Variants in GTF2H3 observed in about 807,000 individuals in gnomAD.
GTF2H3 encodes TFIIH basal transcription factor complex p34 subunit.
A neutral mutation model predicts 51.1 loss-of-function variants in GTF2H3; 42 were observed. The observed-to-expected ratio is 0.82, with a 90% CI of 0.64 to 1.06. The LOEUF (loss-of-function observed/expected upper bound fraction) is 1.06, where lower values mean the gene tolerates loss of function less well. Among genes scored for constraint, GTF2H3 ranks in the 50% least tolerant of loss-of-function variants. GTF2H3 has a pLI of 0.00. For synonymous variants in GTF2H3, 123 were observed against 123.8 expected (o/e 0.99, Z 0.04); for missense variants, 326 against 366.1 (o/e 0.89, Z 0.89).
Position 123,659,841 on chromosome 12 carries a change from C to A in GTF2H3, c.731C>A (p.Pro244Gln). 1 of 1,613,416 alleles carries A rather than the reference C, an allele frequency of 6.2e-7. No homozygotes were observed. The highest frequency in any genetic ancestry group is 1.1e-5 in the South Asian group (1 of 91,068). The change falls in exon 11 of 13, where the codon CCA (proline) becomes CAA (glutamine). Residue 244 changes from proline (P) to glutamine (Q), a missense_variant. Transcript: ENST00000543341. ...DQDQRSQLIL[P>Q]PPVHVDYRAA... ...GATCAGAGATCTCAGTTAATCCTCC[C>A]ACCCCCAGTTCATGTTGACTACAGG...
intron 2 of GTF2H3, among the ~76,000 whole-genome samples, chr12:123,644,730 A>G (rs1000587541): frequency 2.6e-5 from 4 of 152,328 alleles, no homozygotes; most frequent in African/African-American, 9.6e-5. Flanking sequence ...TATATTGTTC[A>G]CTAAGTATAT....
intron 5 of GTF2H3, among the ~76,000 whole-genome samples, chr12:123,652,060 C>T (rs1568031): frequency 0.057 from 8,720 of 152,094 alleles, 482 homozygotes; most frequent in African/African-American, 0.14. Context: ...ATGAGTGGCT[C>T]CTTCTCCATA....
At position 123,652,975 on chromosome 12, in the gene GTF2H3, TC is replaced by T. The variant is rs890450170; in HGVS notation, c.486+243del. Among the ~76,000 whole-genome samples, 43 of 151,834 alleles carry T rather than the reference TC, an allele frequency of 2.8e-4. 1 individual carries two copies. Among genetic ancestry groups the T allele is most frequent in the African/African-American group, 1.0e-3 (42 of 41,402 alleles). Reference sequence around the variant, plus strand: ...TGCCTATAGTCCCAGCTACTTGGGATCCCGAGGCAGGAGAATCGTTTGAACC... The same window carrying T: ...TGCCTATAGTCCCAGCTACTTGGGATCCGAGGCAGGAGAATCGTTTGAACC... On this transcript the variant is annotated intron_variant, in intron 7 of 12. Transcript: ENST00000543341.
rs760691744 is a variant in GTF2H3 at position 123,655,013 on chromosome 12, T to C, written c.561+15T>C. ...CACAGAAACAGGTGAACTGAGAGCCTGCCGTTTAAAGTATTTGTTTCATAA... is the reference window on the plus strand; with the variant it reads ...CACAGAAACAGGTGAACTGAGAGCCCGCCGTTTAAAGTATTTGTTTCATAA... On this transcript the variant is annotated intron_variant, in intron 8 of 12. Transcript: ENST00000543341. The C allele has an allele frequency of 1.8e-5, 28 of 1,597,426 alleles. No individual in the cohort carries two copies. Among genetic ancestry groups the C allele is most frequent in the Middle Eastern group, 1.7e-4 (1 of 6,060 alleles).
At chr12:123,655,741 C>T in intron 8 of GTF2H3, 30 bp from the exon 9 acceptor site, 1 of 1,300,838 alleles carries the variant, frequency 7.7e-7, no homozygotes, top group Non-Finnish European at 1.1e-6. Context: ...TGTTATTATT[C>T]CTGTAATATT....
intron 2 of GTF2H3, among the ~76,000 whole-genome samples, chr12:123,641,653 A>G (rs1382320371): frequency 2.6e-5 from 4 of 151,268 alleles, no homozygotes; most frequent in Non-Finnish European, 5.9e-5. Flanking sequence ...AGCAGCAGTT[A>G]GTGTACTCAC....
chr12:123,641,978 C>G (rs1255345611), intron 2 of GTF2H3, among the ~76,000 whole-genome samples: 1 of 151,928 alleles, frequency 6.6e-6, no homozygotes, highest in Non-Finnish European at 1.5e-5. Context: ...CTCAGCCTCC[C>G]GAGTAGCTGG....
At position 123,660,182 on chromosome 12, in the gene GTF2H3, T is replaced by A; in HGVS notation, c.874T>A (p.Ser292Thr). The A allele has an allele frequency of 6.2e-7, 1 of 1,612,060 alleles. No homozygotes were observed. The change falls in exon 13 of 13, where the codon TCT becomes ACT. Residue 292 changes from serine to threonine, a missense_variant. By Grantham distance (58) the Ser-to-Thr change is moderately conservative (BLOSUM62 1). Transcript: ENST00000543341. The part of the protein sequence containing the change: ...CTTCETAFKI[S>T]LPPVLKAKKK... ...TAATTTCAGGACAGCCTTTAAAATT[T>A]CTCTGCCTCCAGTGCTGAAAGCCAA... is the stretch of plus-strand genomic sequence containing the variant.
Position 123,660,354 on chromosome 12 carries a change from T to C in GTF2H3, c.*119T>C. ...AGGATAATTTTTAATATGGTGACCT[T>C]ACAGAAAATATTTCCCAAACATCCT... is the stretch of plus-strand genomic sequence containing the variant. On this transcript the variant is annotated 3_prime_UTR_variant, in exon 13 of 13. Transcript: ENST00000543341. 1.5e-6 allele frequency: 1 copy of C among 653,736 alleles called. No homozygotes were observed. Among genetic ancestry groups the C allele is most frequent in the Middle Eastern group, 4.4e-4 (1 of 2,292 alleles). The allele number at this position is 653,736 out of a possible 1,614,324, so 40.5% of individuals were successfully genotyped here. A position where few individuals can be genotyped will look rare whatever the true frequency, so the allele number is the denominator to read the frequency against.
In GTF2H3 at chr12:123,655,802, C is replaced by G; in HGVS notation, c.593C>G (p.Ser198Cys). 6.2e-7 allele frequency: 1 copy of G among 1,601,012 alleles called. No individual in the cohort carries two copies. Among genetic ancestry groups the G allele is most frequent in the Non-Finnish European group, 8.6e-7 (1 of 1,168,918 alleles). The change falls in exon 9 of 13, where the codon TCC becomes TGC. Residue 198 changes from serine (S) to cysteine (C), a missense_variant. Ser to Cys is a moderately radical substitution (Grantham distance 112, BLOSUM62 -1). Transcript: ENST00000543341. ...NILIDACVLD[S>C]DSGLLQQACD... ...TTGATTGATGCCTGTGTTTTAGACT[C>G]CGACTCAGGGCTCCTCCAACAGGTA...
chr12:123,643,045 G>A (rs897989046), intron 2 of GTF2H3, among the ~76,000 whole-genome samples: 1 of 152,016 alleles, frequency 6.6e-6, no homozygotes, highest in Admixed American at 6.6e-5. Flanking sequence ...CTAATTTTTT[G>A]TGTGTGTATT....
At position 123,652,706 on chromosome 12, in the gene GTF2H3, G is replaced by C. The variant is rs755483209; in HGVS notation, c.458-1G>C. The C allele has an allele frequency of 1.2e-5, 19 of 1,523,736 alleles. No homozygotes were observed. The highest frequency in any genetic ancestry group is 1.6e-5 in the Non-Finnish European group (18 of 1,121,670). 94.4% of individuals were successfully genotyped at this position (1,523,736 alleles called of 1,614,324 possible). A position where few individuals can be genotyped will look rare whatever the true frequency, so the allele number is the denominator to read the frequency against. ...TTTTTTCTGCTTTTTTCTCTTTGTA[G>C]ACAATCAGGAAATGAAATCAAGGAT... On this transcript the variant is annotated splice_acceptor_variant, in intron 6 of 12. Coordinates refer to ENST00000543341, the MANE Select transcript of GTF2H3 (RefSeq NM_001516.5). LOFTEE classifies it high-confidence loss of function.
At chr12:123,645,623 G>T (rs899431238) in intron 3 of GTF2H3, 62 bp downstream of exon 3, 6 of 871,492 alleles carry the variant, frequency 6.9e-6, no homozygotes, top group African/African-American at 1.7e-5. Flanking sequence ...TTCTGTGCCA[G>T]TTGGCATGTA....
In GTF2H3 at chr12:123,633,925, C is replaced by G. The variant is rs955571029; in HGVS notation, c.13+53C>G. The G allele has an allele frequency of 2.8e-5, 44 of 1,594,504 alleles. No homozygotes were observed. The African/African-American group carries it at 5.4e-4, about 19-fold the overall frequency. On this transcript the variant is annotated intron_variant, in intron 1 of 12. Coordinates refer to ENST00000543341, the MANE Select transcript of GTF2H3 (RefSeq NM_001516.5). ...ACTCCGGGGCTCGGCTGTCTCGGTCCGGCTACGACTGGCCAGATGGAATGT... is the reference window on the plus strand; with the variant it reads ...ACTCCGGGGCTCGGCTGTCTCGGTCGGGCTACGACTGGCCAGATGGAATGT...
Position 123,647,988 on chromosome 12 carries a change from GGC to G in GTF2H3, c.227_228del (p.Gly76GlufsTer14), listed in dbSNP as rs766842302. ...ESRFLYPGKNGRLGDFFGDPG... is the reference protein window; with the variant it reads ...ESRFLYPGKNXRLGDFFGDPG... ...CCGATTCTTATATCCTGGAAAGAAT[GGC>G]AGACTTGGAGACTTCTTCGGAGACC... On this transcript the variant is annotated frameshift_variant, in exon 4 of 13. Coordinates refer to ENST00000543341, the MANE Select transcript of GTF2H3 (RefSeq NM_001516.5). LOFTEE classifies it high-confidence loss of function. 1 of 1,613,668 alleles carries G rather than the reference GGC, an allele frequency of 6.2e-7. No homozygotes were observed. Among genetic ancestry groups the G allele is most frequent in the Non-Finnish European group, 8.5e-7 (1 of 1,179,846 alleles).
chr12:123,639,432 A>G (rs913062669), intron 2 of GTF2H3, 89 bp downstream of exon 2: 3 of 685,630 alleles, frequency 4.4e-6, no homozygotes, highest in African/African-American at 1.8e-5. Context: ...TTAAAGTATA[A>G]TTTACATACT....
intron 2 of GTF2H3, among the ~76,000 whole-genome samples, chr12:123,640,672 T>C (rs1039449067): frequency 1.3e-5 from 2 of 152,144 alleles, no homozygotes; most frequent in African/African-American, 4.8e-5. Flanking sequence ...TTAGCTGTTT[T>C]CCACTTTTAA....
Position 123,660,524 on chromosome 12 carries a change from C to A in GTF2H3, c.*289C>A. On this transcript the variant is annotated 3_prime_UTR_variant, in exon 13 of 13. Coordinates refer to ENST00000543341, the MANE Select transcript of GTF2H3 (RefSeq NM_001516.5). The stretch of plus-strand genomic sequence containing the variant: ...TGACTATTAGTCAAAGTCAGCTTGT[C>A]ATGACTCATCATAGGCTTTCTAACC... The A allele has an allele frequency of 4.0e-6, 1 of 247,770 alleles. No individual in the cohort carries two copies. The highest frequency in any genetic ancestry group is 7.7e-6 in the Non-Finnish European group (1 of 129,958). 15.3% of individuals were successfully genotyped at this position (247,770 alleles called of 1,614,324 possible). A position where few individuals can be genotyped will look rare whatever the true frequency, so the allele number is the denominator to read the frequency against.
At chr12:123,638,473 A>T (rs1402017370) in intron 1 of GTF2H3, among the ~76,000 whole-genome samples, 1 of 151,470 alleles carries the variant, frequency 6.6e-6, no homozygotes, top group East Asian at 1.9e-4. Flanking sequence ...GCCCGGCCCT[A>T]ATTTTTATAT....
Sources: gnomAD v4.1 joint callset for allele counts (sites outside exome capture counted in the v4.1 genomes callset) on GRCh38, gnomAD v4.1.1 for gene constraint, MANE v1.5 for transcripts, NCBI Gene and HGNC (gene_info 2026-07-23, HGNC 2026-07-21) for gene names.